NDUFS4: variants seen among roughly 807,000 people sequenced by gnomAD.
The protein encoded by NDUFS4 is NADH:ubiquinone oxidoreductase subunit S4, also known as NADH dehydrogenase [ubiquinone] iron-sulfur protein 4, mitochondrial.
Under a neutral mutation model 24.3 loss-of-function variants are expected in NDUFS4, and 28 were observed. The observed-to-expected ratio is 1.15, with a 90% CI of 0.85 to 1.58. The LOEUF is 1.58. Ranked by LOEUF, NDUFS4 falls within the 40% of genes most tolerant of loss-of-function variation. The probability of loss-of-function intolerance (pLI) is 0.00; values close to 1 mark genes in which losing one functional copy is unlikely to be tolerated. For synonymous variants in NDUFS4, 93 were observed against 69.7 expected (o/e 1.34, Z -1.67); for missense variants, 223 against 207.9 (o/e 1.07, Z -0.45).
At chr5:53,679,173 C>T (rs904191672) in intron 4 of NDUFS4, among the ~76,000 whole-genome samples, 2 of 152,088 alleles carry the variant, frequency 1.3e-5, no homozygotes, top group Non-Finnish European at 2.9e-5. Context: ...TGCTCCTTTG[C>T]GTTTAGAGAA....
At chr5:53,584,559 T>C (rs1246078212) in intron 1 of NDUFS4, among the ~76,000 whole-genome samples, 2 of 151,430 alleles carry the variant, frequency 1.3e-5, no homozygotes, top group East Asian at 3.9e-4. Context: ...AGGCTGGTCT[T>C]GAACTCCCGA....
chr5:53,644,804 G>T (rs1579912717), intron 2 of NDUFS4, among the ~76,000 whole-genome samples: 1 of 152,088 alleles, frequency 6.6e-6, no homozygotes, highest in Admixed American at 6.6e-5. Flanking sequence ...CTGTGACAAA[G>T]TAGCCACACC....
intron 2 of NDUFS4, among the ~76,000 whole-genome samples, chr5:53,628,546 A>AGAG (rs1751299758): frequency 6.6e-6 from 1 of 151,924 alleles, no homozygotes; most frequent in African/African-American, 2.4e-5. Context: ...TTATTGCCCC[A>AGAG]ATTTTAGAAT....
At position 53,582,227 on chromosome 5, in the gene NDUFS4, A is replaced by C. The variant is rs181377126; in HGVS notation, c.99-21225A>C. On this transcript the variant is annotated intron_variant, in intron 1 of 4. Transcript: ENST00000296684. ...CTCTGTCTCAAAATAAAATAAAATAAAATAAAATAAAATAAAATTAAATTA... is the reference window on the plus strand; with the variant it reads ...CTCTGTCTCAAAATAAAATAAAATACAATAAAATAAAATAAAATTAAATTA... 1.8e-3 allele frequency among the ~76,000 whole-genome samples: 248 copies of C among 140,356 alleles called. 1 individual carries two copies. The highest frequency in any genetic ancestry group is 5.9e-3 in the African/African-American group (224 of 37,934). The allele number at this position is 140,356 out of a possible 152,430, so 92.1% of individuals were successfully genotyped here. A position where few individuals can be genotyped will look rare whatever the true frequency, so the allele number is the denominator to read the frequency against.
chr5:53,577,687 A>G (rs969631949), intron 1 of NDUFS4, among the ~76,000 whole-genome samples: 1 of 152,162 alleles, frequency 6.6e-6, no homozygotes, highest in African/African-American at 2.4e-5. Flanking sequence ...TGTTTTACTC[A>G]CCTGTTCTGA....
intron 1 of NDUFS4, among the ~76,000 whole-genome samples, chr5:53,586,564 C>A (rs1002283264): frequency 5.3e-5 from 8 of 152,192 alleles, no homozygotes; most frequent in Non-Finnish European, 1.0e-4. Flanking sequence ...ACTCTGTCGC[C>A]CAGGCTGGAG....
At chr5:53,593,059 A>G (rs1004546847) in intron 1 of NDUFS4, among the ~76,000 whole-genome samples, 1 of 152,154 alleles carries the variant, frequency 6.6e-6, no homozygotes, top group Non-Finnish European at 1.5e-5. Flanking sequence ...TGCTGGTCCC[A>G]TAGAATGAGG....
At chr5:53,627,710 G>A (rs1751273786) in intron 2 of NDUFS4, among the ~76,000 whole-genome samples, 1 of 152,136 alleles carries the variant, frequency 6.6e-6, no homozygotes, top group South Asian at 2.1e-4. Context: ...AAGAATGCTT[G>A]TGATTTTTGC....
At chr5:53,623,985 G>A (rs534806974) in intron 2 of NDUFS4, among the ~76,000 whole-genome samples, 69 of 152,268 alleles carry the variant, frequency 4.5e-4, no homozygotes, top group Admixed American at 5.9e-4. Context: ...CCAAAGTGCT[G>A]GGATTACAGG....
chr5:53,651,508 C>T (rs1752014553), intron 3 of NDUFS4, among the ~76,000 whole-genome samples: 1 of 151,516 alleles, frequency 6.6e-6, no homozygotes, highest in African/African-American at 2.4e-5. Flanking sequence ...ATATAAAATA[C>T]TAATATGTAG....
chr5:53,649,303 C>A (rs1039640306), intron 3 of NDUFS4, among the ~76,000 whole-genome samples: 4 of 152,080 alleles, frequency 2.6e-5, no homozygotes, highest in African/African-American at 4.8e-5. Flanking sequence ...GAACTCATCA[C>A]CCAAATTAAG....
At chr5:53,577,574 C>A (rs1416201530) in intron 1 of NDUFS4, among the ~76,000 whole-genome samples, 3 of 151,190 alleles carry the variant, frequency 2.0e-5, no homozygotes, top group Non-Finnish European at 4.4e-5. Context: ...TATATTGTTT[C>A]ATCTCACTAA....
At chr5:53,567,372 T>C (rs1002196136) in intron 1 of NDUFS4, among the ~76,000 whole-genome samples, 3 of 152,226 alleles carry the variant, frequency 2.0e-5, no homozygotes, top group African/African-American at 7.2e-5. Flanking sequence ...AATGCTCTTA[T>C]CTTTACTGTT....
At chr5:53,616,217 A>T (rs908614684) in intron 2 of NDUFS4, among the ~76,000 whole-genome samples, 3 of 147,798 alleles carry the variant, frequency 2.0e-5, no homozygotes, top group Non-Finnish European at 4.5e-5. Flanking sequence ...CATTCATTCA[A>T]TTTTTTTTTT....
chr5:53,666,398 T>G (rs566135168), intron 4 of NDUFS4, among the ~76,000 whole-genome samples: 1 of 152,232 alleles, frequency 6.6e-6, no homozygotes, highest in Non-Finnish European at 1.5e-5. Flanking sequence ...TCTATCTGAC[T>G]TCTACCTCCC....
intron 1 of NDUFS4, among the ~76,000 whole-genome samples, chr5:53,578,373 T>G (rs894780165): frequency 2.6e-5 from 4 of 152,198 alleles, no homozygotes; most frequent in Non-Finnish European, 5.9e-5. Context: ...CCAGTGTCCT[T>G]GACCCTAGCT....
chr5:53,646,434 G>A (rs764058052), intron 3 of NDUFS4, 29 bp downstream of exon 3: 6 of 1,606,338 alleles, frequency 3.7e-6, no homozygotes, highest in Non-Finnish European at 2.6e-6. Flanking sequence ...TGTGAATATT[G>A]TCAGCTATCT....
chr5:53,600,981 T>A (rs1362037060), intron 1 of NDUFS4, among the ~76,000 whole-genome samples: 2 of 151,580 alleles, frequency 1.3e-5, no homozygotes, highest in Non-Finnish European at 2.9e-5. Flanking sequence ...TAAATTTTTA[T>A]CAGTGCGTTT....
At chr5:53,593,438 C>G (rs995273442) in intron 1 of NDUFS4, among the ~76,000 whole-genome samples, 1 of 151,344 alleles carries the variant, frequency 6.6e-6, no homozygotes, top group Non-Finnish European at 1.5e-5. Context: ...CTGTCTGTTT[C>G]TCTTTTTTGT....
Sources: gnomAD v4.1 joint callset for allele counts (sites outside exome capture counted in the v4.1 genomes callset) on GRCh38, gnomAD v4.1.1 for gene constraint, MANE v1.5 for transcripts, NCBI Gene and HGNC (gene_info 2026-07-23, HGNC 2026-07-21) for gene names.